ANKS1A: variants seen among roughly 807,000 people sequenced by gnomAD.
The protein encoded by ANKS1A is ankyrin repeat and sterile alpha motif domain containing 1A.
Under a neutral mutation model 120.3 loss-of-function variants are expected in ANKS1A, and 55 were observed. That is an observed-to-expected ratio of 0.46 (90% CI 0.37 to 0.57). ANKS1A has a LOEUF of 0.57. Among genes scored for constraint, ANKS1A ranks in the 20% least tolerant of loss-of-function variants. ANKS1A has a pLI of 0.00. For synonymous variants in ANKS1A, 590 were observed against 604.7 expected, an observed-to-expected ratio of 0.98 and a Z score of 0.36; for missense variants, 1,123 against 1,480.3, an observed-to-expected ratio of 0.76 and a Z score of 3.96.
intron 10 of ANKS1A, among the ~76,000 whole-genome samples, chr6:34,995,863 A>T (rs1045543110): frequency 1.3e-5 from 2 of 152,242 alleles, no homozygotes; most frequent in African/African-American, 4.8e-5. Context: ...CACTAAAAAC[A>T]TTCACTTACA....
chr6:35,083,232 G>A lies in ANKS1A; in HGVS notation c.2907+6G>A. The A allele has an allele frequency of 6.2e-7, 1 of 1,614,090 alleles. No homozygotes were observed. The highest frequency in any genetic ancestry group is 1.1e-5 in the South Asian group (1 of 91,084). ...ACGCCTGTGCCAAGATGCGGGTAGGGTGCCTGTGTGGGCTGGAGGGCGCTG... is the reference window on the plus strand; with the variant it reads ...ACGCCTGTGCCAAGATGCGGGTAGGATGCCTGTGTGGGCTGGAGGGCGCTG... On this transcript the variant is annotated splice_donor_region_variant and intron_variant, in intron 19 of 23. Transcript: ENST00000360359.
chr6:34,991,377 A>T (rs1255182847), intron 9 of ANKS1A, among the ~76,000 whole-genome samples: 1 of 152,116 alleles, frequency 6.6e-6, no homozygotes, highest in African/African-American at 2.4e-5. Context: ...GTGCTCAGAT[A>T]TGCTAAATAT....
intron 1 of ANKS1A, among the ~76,000 whole-genome samples, chr6:34,966,493 A>C (rs1770902002): frequency 6.6e-6 from 1 of 152,222 alleles, no homozygotes; most frequent in African/African-American, 2.4e-5. Context: ...GCCCTCTGCT[A>C]CTTGATATTA....
At chr6:34,892,848 A>G (rs1766889647) in intron 1 of ANKS1A, among the ~76,000 whole-genome samples, 2 of 152,198 alleles carry the variant, frequency 1.3e-5, no homozygotes, top group African/African-American at 4.8e-5. Context: ...TCACCGATTG[A>G]TGCTATACCT....
intron 1 of ANKS1A, among the ~76,000 whole-genome samples, chr6:34,950,616 G>A (rs1299258767): frequency 6.6e-6 from 1 of 152,284 alleles, no homozygotes; most frequent in South Asian, 2.1e-4. Flanking sequence ...GGGATTGATA[G>A]CCAAGGAGCA....
chr6:35,079,585 C>T lies in ANKS1A; in HGVS notation c.2353C>T (p.Gln785Ter). 6.2e-7 allele frequency: 1 copy of T among 1,614,176 alleles called. No individual in the cohort carries two copies. Among genetic ancestry groups the T allele is most frequent in the Non-Finnish European group, 8.5e-7 (1 of 1,180,012 alleles). Residue 785 changes from glutamine to a stop codon, truncating the protein, a stop_gained, in exon 15 of 24, where the codon CAG becomes TAG. Coordinates refer to ENST00000360359, the MANE Select transcript of ANKS1A (RefSeq NM_015245.3). LOFTEE classifies it high-confidence loss of function. ...VPSWLDSLGL[Q>*]DYVHSFLSSG... ...CTCCTGGCTGGACTCCCTGGGGCTG[C>T]AGGACTACGTCCATTCCTTCTTGTC...
intron 1 of ANKS1A, among the ~76,000 whole-genome samples, chr6:34,953,055 G>A (rs902698283): frequency 2.0e-5 from 3 of 152,106 alleles, no homozygotes; most frequent in African/African-American, 7.2e-5. Flanking sequence ...CAATAATTTT[G>A]ACACATCTTA....
Position 34,985,230 on chromosome 6 carries a change from G to T in ANKS1A, c.1161G>T (p.Thr387=). The T allele has an allele frequency of 1.2e-6, 2 of 1,614,138 alleles. No individual in the cohort carries two copies. Among genetic ancestry groups the T allele is most frequent in the Middle Eastern group, 1.7e-4 (1 of 6,050 alleles). Residue 387 remains threonine (T), a synonymous_variant, in exon 8 of 24, where the codon ACG becomes ACT. Transcript: ENST00000360359. ...ASGRSSDQDS[T]NKEAEAAGVK... The stretch of plus-strand genomic sequence containing the variant: ...GGCGATCATCTGACCAAGACTCCAC[G>T]AACAAGGAGGCTGAGGCAGCAGGAG...
At chr6:35,046,446 A>C (rs889248967) in intron 11 of ANKS1A, among the ~76,000 whole-genome samples, 17 of 152,190 alleles carry the variant, frequency 1.1e-4, no homozygotes, top group Non-Finnish European at 2.2e-4. Flanking sequence ...CTTACAATTT[A>C]TTATCCTCTA....
intron 12 of ANKS1A, among the ~76,000 whole-genome samples, chr6:35,055,150 G>A (rs1776153427): frequency 6.6e-6 from 1 of 152,168 alleles, no homozygotes; most frequent in Non-Finnish European, 1.5e-5. Context: ...GAGACCACGG[G>A]GCCTGGTGGG....
chr6:35,052,597 CCT>C (rs1447336230), intron 11 of ANKS1A, among the ~76,000 whole-genome samples: 3 of 129,000 alleles, frequency 2.3e-5, no homozygotes, highest in African/African-American at 8.7e-5. Flanking sequence ...CATAACAAGA[CCT>C]CTTCTCTGTT....
intron 11 of ANKS1A, among the ~76,000 whole-genome samples, chr6:35,030,358 T>G (rs1774846691): frequency 6.6e-6 from 1 of 152,232 alleles, no homozygotes; most frequent in Non-Finnish European, 1.5e-5. Context: ...TTCTTCCCTT[T>G]ACTGCTCTCT....
intron 1 of ANKS1A, among the ~76,000 whole-genome samples, chr6:34,955,467 C>T (rs1442222380): frequency 6.6e-6 from 1 of 152,142 alleles, no homozygotes; most frequent in Non-Finnish European, 1.5e-5. Context: ...CCAGCTTATT[C>T]TTACTTCCCA....
chr6:35,042,536 G>A (rs574241589), intron 11 of ANKS1A, among the ~76,000 whole-genome samples: 10 of 152,330 alleles, frequency 6.6e-5, no homozygotes, highest in East Asian at 3.9e-4. Context: ...CTGAAGAGGC[G>A]TGTCCATGTG....
rs2127621696 is a variant in ANKS1A at position 35,091,219 on chromosome 6, C to CTGAT, written c.*2612_*2615dup. The CTGAT allele has an allele frequency of 1.0e-6, 1 of 985,816 alleles. No individual in the cohort carries two copies. The highest frequency in any genetic ancestry group is 4.7e-5 in the South Asian group (1 of 21,286). 61.1% of individuals were successfully genotyped at this position (985,816 alleles called of 1,614,324 possible). ...ACTGTATATAAAATTGTTAATCTGTCTGATTTTGTCTGAATTATAAACACT... is the reference window on the plus strand; with the variant it reads ...ACTGTATATAAAATTGTTAATCTGTCTGATTGATTTTGTCTGAATTATAAACACT... On this transcript the variant is annotated 3_prime_UTR_variant, in exon 24 of 24. Transcript: ENST00000360359.
chr6:35,083,299 C>A, intron 19 of ANKS1A, 73 bp downstream of exon 19: 2 of 1,598,816 alleles, frequency 1.3e-6, no homozygotes, highest in Non-Finnish European at 1.7e-6. Context: ...GCAGTAGCTG[C>A]AGTTGCCTGG....
chr6:34,950,330 G>A (rs1290967012), intron 1 of ANKS1A, among the ~76,000 whole-genome samples: 1 of 147,584 alleles, frequency 6.8e-6, no homozygotes, highest in African/African-American at 2.5e-5. Context: ...TGGTTCAAGT[G>A]ATTCTCCTGC....
intron 1 of ANKS1A, among the ~76,000 whole-genome samples, chr6:34,947,465 T>C (rs1441665452): frequency 6.6e-6 from 1 of 152,140 alleles, no homozygotes; most frequent in African/African-American, 2.4e-5. Flanking sequence ...GTAGACTCTC[T>C]GTTGCGTCTC....
At position 35,079,548 on chromosome 6, in the gene ANKS1A, C is replaced by G; in HGVS notation, c.2316C>G (p.Pro772=). 1 of 1,613,794 alleles carries G rather than the reference C, an allele frequency of 6.2e-7. No individual in the cohort carries two copies. Among genetic ancestry groups the G allele is most frequent in the African/African-American group, 1.3e-5 (1 of 75,038 alleles). The change falls in exon 15 of 24, where the codon CCC becomes CCG. Residue 772 remains proline (P), a synonymous_variant. Coordinates refer to ENST00000360359, the MANE Select transcript of ANKS1A (RefSeq NM_015245.3). ...CTCTGGGTTATGACGGGAACAGCCC[C>G]CCTAGCGTGCCCTCCTGGCTGGACT... ...VKALGYDGNS[P]PSVPSWLDSL...
Sources: gnomAD v4.1 joint callset for allele counts (sites outside exome capture counted in the v4.1 genomes callset) on GRCh38, gnomAD v4.1.1 for gene constraint, MANE v1.5 for transcripts, NCBI Gene and HGNC (gene_info 2026-07-23, HGNC 2026-07-21) for gene names.